IPO7: variants seen among roughly 807,000 people sequenced by gnomAD.
The protein encoded by IPO7 is importin-7.
Under a neutral mutation model 136.4 loss-of-function variants are expected in IPO7, and 13 were observed. The ratio of observed to expected loss-of-function variants is 0.10; its 90% CI spans 0.06 to 0.15. IPO7 has a LOEUF of 0.15. Ranked by LOEUF, IPO7 falls within the 10% of genes least tolerant of loss-of-function variation. IPO7 has a pLI of 1.00. For missense variants in IPO7, 857 were observed against 1,240.6 expected (o/e 0.69, Z 4.65); for synonymous variants, 403 against 404.4 (o/e 1.00, Z 0.04).
intron 1 of IPO7, among the ~76,000 whole-genome samples, chr11:9,388,086 G>T (rs191956956): frequency 0.048 from 7,215 of 151,860 alleles, 241 homozygotes; most frequent in South Asian, 0.077. Flanking sequence ...GGTGGAGGTT[G>T]CGGTGAGCCG....
chr11:9,392,326 C>T, intron 1 of IPO7: 1 of 288,542 alleles, frequency 3.5e-6, no homozygotes, highest in Non-Finnish European at 6.9e-6. Context: ...TACAGGTATG[C>T]ATTACCACGT....
intron 12 of IPO7, among the ~76,000 whole-genome samples, chr11:9,427,305 G>T (rs1855225351): frequency 6.6e-6 from 1 of 151,874 alleles, no homozygotes; most frequent in Admixed American, 6.6e-5. Context: ...CTGTTATACA[G>T]GTTGGAGTGC....
chr11:9,428,171 G>A (rs570954386), intron 12 of IPO7, among the ~76,000 whole-genome samples: 7 of 151,996 alleles, frequency 4.6e-5, no homozygotes, highest in Admixed American at 2.0e-4. Context: ...CAGTTTATTC[G>A]TTTGAAAGCA....
chr11:9,401,561 T>TAAA (rs11330854), intron 1 of IPO7, among the ~76,000 whole-genome samples: 29 of 139,906 alleles, frequency 2.1e-4, no homozygotes, highest in African/African-American at 7.5e-4. Flanking sequence ...AACAAAAAAT[T>TAAA]AAAAAAAAAA....
intron 1 of IPO7, among the ~76,000 whole-genome samples, chr11:9,387,882 T>A (rs1371982006): frequency 6.6e-6 from 1 of 150,874 alleles, no homozygotes; most frequent in Non-Finnish European, 1.5e-5. Context: ...GCATGGTGGC[T>A]CATGCCTGGA....
At chr11:9,426,089 T>C (rs1225859524) in intron 12 of IPO7, among the ~76,000 whole-genome samples, 1 of 151,880 alleles carries the variant, frequency 6.6e-6, no homozygotes, top group African/African-American at 2.4e-5. Context: ...CCTTATGGAG[T>C]GTACAACTCA....
chr11:9,420,033 C>CCAACAT (rs1448271716), intron 6 of IPO7, among the ~76,000 whole-genome samples: 2 of 152,072 alleles, frequency 1.3e-5, no homozygotes, highest in African/African-American at 4.8e-5. Context: ...CTATGAAAGG[C>CCAACAT]CAACATCAGG....
rs188545367 is a variant in IPO7, at chr11:9,384,687, G to T, written c.-77G>T. 2.4e-6 allele frequency: 3 copies of T among 1,231,448 alleles called. No homozygotes were observed. The highest frequency in any genetic ancestry group is 3.4e-6 in the Non-Finnish European group (3 of 876,766). 76.3% of individuals were successfully genotyped at this position (1,231,448 alleles called of 1,614,324 possible). Reference sequence around the variant, plus strand: ...CGGTTGCCGCTGCGGAGCGCGGCGGGTCCATGTGCGCAGTGAGTGGCGCTA... The same window carrying T: ...CGGTTGCCGCTGCGGAGCGCGGCGGTTCCATGTGCGCAGTGAGTGGCGCTA... On this transcript the variant is annotated 5_prime_UTR_variant, in exon 1 of 25. Coordinates refer to ENST00000379719, the MANE Select transcript of IPO7 (RefSeq NM_006391.3).
At chr11:9,394,542 C>A (rs1197655949) in intron 1 of IPO7, among the ~76,000 whole-genome samples, 2 of 152,154 alleles carry the variant, frequency 1.3e-5, no homozygotes, top group African/African-American at 2.4e-5. Context: ...GCTTCAAGAA[C>A]TCATTTTCCT....
rs1161093768 is a variant in IPO7, at chr11:9,436,372, T to C, written c.2268+6T>C. 1.9e-6 allele frequency: 3 copies of C among 1,590,212 alleles called. No individual in the cohort carries two copies. In the East Asian group the frequency reaches 6.7e-5, roughly 36 times the overall value. ...AAGGGCGTGGCATTGACCAGGTCAG[T>C]GAAGCTAATAATGATTTGTAGTTCA... On this transcript the variant is annotated splice_donor_region_variant and intron_variant, in intron 20 of 24. Coordinates refer to ENST00000379719, the MANE Select transcript of IPO7 (RefSeq NM_006391.3).
intron 5 of IPO7, among the ~76,000 whole-genome samples, chr11:9,416,545 A>T (rs892330993): frequency 3.9e-5 from 6 of 152,330 alleles, no homozygotes; most frequent in African/African-American, 1.4e-4. Context: ...TTGTGAAAAT[A>T]GATGTCCTAA....
intron 1 of IPO7, among the ~76,000 whole-genome samples, chr11:9,385,726 T>C (rs1289928326): frequency 2.7e-5 from 4 of 149,812 alleles, no homozygotes; most frequent in Non-Finnish European, 5.9e-5. Context: ...TCTCTGAAGG[T>C]TTTTTTTTTC....
intron 10 of IPO7, 41 bp downstream of exon 10, chr11:9,423,917 A>G (rs1221151883): frequency 2.5e-6 from 3 of 1,212,446 alleles, no homozygotes; most frequent in South Asian, 2.5e-5. Context: ...AAATGTCAGT[A>G]ATTAAGATTA....
intron 19 of IPO7, among the ~76,000 whole-genome samples, chr11:9,435,924 C>T (rs1016460161): frequency 3.3e-5 from 5 of 152,010 alleles, no homozygotes; most frequent in East Asian, 1.9e-4. Context: ...TAGTTCTTTA[C>T]GTGAGAAAGG....
Position 9,445,200 on chromosome 11 carries a change from C to G in IPO7, c.*6C>G, listed in dbSNP as rs1590458256. On this transcript the variant is annotated 3_prime_UTR_variant, in exon 25 of 25. Transcript: ENST00000379719. ...CAGCACCAGGGATGAATTGAGTTAT[C>G]TCTTTCTTTCCTGCTGTGTGCTTGT... 6.5e-7 allele frequency: 1 copy of G among 1,538,850 alleles called. No homozygotes were observed. The highest frequency in any genetic ancestry group is 9.0e-7 in the Non-Finnish European group (1 of 1,111,448).
chr11:9,411,636 C>G (rs1047549623), intron 4 of IPO7, among the ~76,000 whole-genome samples: 4 of 152,076 alleles, frequency 2.6e-5, no homozygotes, highest in Non-Finnish European at 4.4e-5. Flanking sequence ...TACTGAGAAC[C>G]ACTGAAATTT....
chr11:9,425,775 A>G (rs193223915), intron 12 of IPO7, among the ~76,000 whole-genome samples: 59 of 151,982 alleles, frequency 3.9e-4, no homozygotes, highest in Non-Finnish European at 6.0e-4. Flanking sequence ...GCTACTCAGG[A>G]GGCTGAGGCA....
At position 9,404,635 on chromosome 11, in the gene IPO7, C is replaced by T. The variant is rs542582167; in HGVS notation, c.166+1264C>T. Among the ~76,000 whole-genome samples the T allele has an allele frequency of 3.6e-3, 530 of 147,424 alleles. 2 individuals carry two copies. Among genetic ancestry groups the T allele is most frequent in the African/African-American group, 0.012 (464 of 39,824 alleles). Reference sequence around the variant, plus strand: ...GGCTGTAGTGCGGTGGCGCGATTTCCGCTCACTGCAAGCTCCGCCTCCCGT... The same window carrying T: ...GGCTGTAGTGCGGTGGCGCGATTTCTGCTCACTGCAAGCTCCGCCTCCCGT... On this transcript the variant is annotated intron_variant, in intron 2 of 24. Transcript: ENST00000379719.
chr11:9,419,890 C>G (rs949738801), intron 6 of IPO7, among the ~76,000 whole-genome samples: 1 of 152,060 alleles, frequency 6.6e-6, no homozygotes, highest in South Asian at 2.1e-4. Context: ...CTATTTAGAT[C>G]TTGGCTAAAA....
Sources: allele counts gnomAD v4.1 joint callset (sites outside exome capture counted in the v4.1 genomes callset), GRCh38; gene constraint gnomAD v4.1.1; transcripts MANE v1.5; gene names NCBI Gene and HGNC (gene_info 2026-07-23, HGNC 2026-07-21).